Variants in SI observed in about 807,000 individuals in gnomAD.
SI encodes sucrase-isomaltase, intestinal.
SI carries 235 observed loss-of-function variants against 253.3 expected under a neutral mutation model. The observed-to-expected ratio is 0.93, with a 90% CI of 0.83 to 1.03. SI has a LOEUF of 1.03. SI is among the 50% of genes least tolerant of loss of function. SI has a pLI of 0.00. For missense variants in SI, 2,442 were observed against 2,211.1 expected (o/e 1.10, Z -2.09); for synonymous variants, 819 against 712.0 (o/e 1.15, Z -2.39).
rs745851847 is a variant in SI, at chr3:165,055,175, G to C, written c.1512+19C>G. 1.3e-5 allele frequency: 19 copies of C among 1,438,346 alleles called. No individual in the cohort carries two copies. Among genetic ancestry groups the C allele is most frequent in the Non-Finnish European group, 1.9e-5 (19 of 1,021,084 alleles). The allele number at this position is 1,438,346 out of a possible 1,614,324, so 89.1% of individuals were successfully genotyped here. On this transcript the variant is annotated intron_variant, in intron 13 of 47. Coordinates refer to ENST00000264382, the MANE Select transcript of SI (RefSeq NM_001041.4). ...CTATGGTCATTGACCAAAACCATTG[G>C]TTTAAAATAGCTACTTACAATCCAA...
chr3:165,084,145 C>T, the SI span, among the ~76,000 whole-genome samples: 1 of 151,920 alleles, frequency 6.6e-6, no homozygotes, highest in African/African-American at 2.4e-5. Context: ...AAAAAAGGCC[C>T]CAAAAAGAAC....
chr3:165,087,536 A>G, the SI span, among the ~76,000 whole-genome samples: 2 of 152,166 alleles, frequency 1.3e-5, no homozygotes, highest in East Asian at 3.9e-4. Context: ...TTCTATAGAT[A>G]TTTGAAGCTT....
chr3:165,072,106 T>G (rs890384633), intron 3 of SI, among the ~76,000 whole-genome samples: 6 of 152,120 alleles, frequency 3.9e-5, no homozygotes, highest in African/African-American at 7.2e-5. Context: ...ATTTTCCAAT[T>G]TTAACAATCA....
chr3:165,004,853 T>C (rs1175417149), intron 37 of SI, among the ~76,000 whole-genome samples: 15 of 152,132 alleles, frequency 9.9e-5, no homozygotes, highest in Admixed American at 9.8e-4. Flanking sequence ...TTGGGCTTTG[T>C]GATCCCACCC....
chr3:165,082,090 T>C (rs895496860), upstream of SI, among the ~76,000 whole-genome samples: 4 of 151,934 alleles, frequency 2.6e-5, no homozygotes, highest in Admixed American at 1.3e-4. Flanking sequence ...TCTTAGAAGC[T>C]TCATACCCAA....
At chr3:165,070,222 T>A (rs948588011) in intron 3 of SI, among the ~76,000 whole-genome samples, 1 of 144,650 alleles carries the variant, frequency 6.9e-6, no homozygotes, top group Admixed American at 7.0e-5. Flanking sequence ...AATATGTTTA[T>A]ATAGAATAAA....
chr3:165,031,861 GA>G (rs1462975533), intron 24 of SI, among the ~76,000 whole-genome samples: 1 of 151,032 alleles, frequency 6.6e-6, no homozygotes, highest in African/African-American at 2.4e-5. Flanking sequence ...TTGCAAATGA[GA>G]AAGCTAAAAT....
intron 21 of SI, 98 bp from the exon 22 acceptor site, chr3:165,036,575 C>T: frequency 1.3e-6 from 1 of 763,398 alleles, no homozygotes. Flanking sequence ...GTTTTATGGG[C>T]CCTGAATTCA....
At chr3:164,998,726 A>G (rs1440689987) in intron 37 of SI, 53 bp from the exon 38 acceptor site, 2 of 1,450,270 alleles carry the variant, frequency 1.4e-6, no homozygotes, top group African/African-American at 2.8e-5. Context: ...TTTTCTCCAA[A>G]TATATCTACT....
chr3:165,039,785 C>T, intron 19 of SI, 102 bp downstream of exon 19: 3 of 841,460 alleles, frequency 3.6e-6, no homozygotes, highest in Non-Finnish European at 6.2e-6. Context: ...CAGCTTGAAA[C>T]AGTCCACTGA....
At chr3:165,017,479 A>G in intron 31 of SI, 69 bp downstream of exon 31, 2 of 1,457,278 alleles carry the variant, frequency 1.4e-6, no homozygotes, top group Non-Finnish European at 1.9e-6. Context: ...TAAAGTATAC[A>G]TGTTTAATTA....
chr3:165,030,500 C>G (rs1400776561), intron 25 of SI, among the ~76,000 whole-genome samples: 1 of 150,906 alleles, frequency 6.6e-6, no homozygotes. Context: ...ATTTACACAT[C>G]AATTCAGCCT....
intron 17 of SI, among the ~76,000 whole-genome samples, chr3:165,041,613 C>T (rs941059671): frequency 1.3e-5 from 2 of 152,040 alleles, no homozygotes; most frequent in African/African-American, 4.8e-5. Context: ...AGATAGGTTG[C>T]TGGCTCAGGA....
chr3:165,003,753 T>C (rs540085860), intron 37 of SI, among the ~76,000 whole-genome samples: 1 of 152,112 alleles, frequency 6.6e-6, no homozygotes, highest in East Asian at 1.9e-4. Context: ...ACCAATTAAA[T>C]AATAATTTAT....
Position 165,074,492 on chromosome 3 carries a change from A to G in SI, c.255+39T>C, listed in dbSNP as rs202115967. 657 of 1,333,190 alleles carry G rather than the reference A, an allele frequency of 4.9e-4. 1 individual carries two copies. The highest frequency in any genetic ancestry group is 6.5e-4 in the Non-Finnish European group (623 of 958,426). The allele number at this position is 1,333,190 out of a possible 1,614,324, so 82.6% of individuals were successfully genotyped here. On this transcript the variant is annotated intron_variant, in intron 3 of 47. Coordinates refer to ENST00000264382, the MANE Select transcript of SI (RefSeq NM_001041.4). ...AGCAATTATCTTAATATAATAATGTATATATTCATTAAAAATATTAAAGAC... is the reference window on the plus strand; with the variant it reads ...AGCAATTATCTTAATATAATAATGTGTATATTCATTAAAAATATTAAAGAC...
In SI at chr3:165,074,702, G is replaced by A. The variant is rs934281643; in HGVS notation, c.119-35C>T. 2.6e-6 allele frequency: 4 copies of A among 1,538,572 alleles called. No individual in the cohort carries two copies. The African/African-American group carries it at 5.5e-5, about 21-fold the overall frequency. Reference sequence around the variant, plus strand: ...GAAAAAACTCAATAAAATAAAACATGACATTAAATTAATTTTCTCAGAATT... The same window carrying A: ...GAAAAAACTCAATAAAATAAAACATAACATTAAATTAATTTTCTCAGAATT... On this transcript the variant is annotated intron_variant, in intron 2 of 47. Transcript: ENST00000264382.
chr3:165,068,828 A>G lies in SI; in HGVS notation c.377T>C (p.Val126Ala), dbSNP rs1272011582. The change falls in exon 5 of 48, where the codon GTT becomes GCT. Residue 126 changes from valine to alanine, a missense_variant. Transcript: ENST00000264382. ...VQDMTTTSIG[V>A]EAKLNRIPSP... ...AGGTATCCTGTTTAATTTGGCTTCA[A>G]CTCCTTAAAGAATAAAAAAAAGCTG... 6.4e-7 allele frequency: 1 copy of G among 1,562,930 alleles called. No homozygotes were observed.
At chr3:165,071,470 A>G (rs892459785) in intron 3 of SI, among the ~76,000 whole-genome samples, 1 of 151,210 alleles carries the variant, frequency 6.6e-6, no homozygotes, top group African/African-American at 2.4e-5. Context: ...TATCATATAT[A>G]TGTATATACA....
intron 3 of SI, among the ~76,000 whole-genome samples, chr3:165,071,135 C>A (rs1576923577): frequency 6.6e-6 from 1 of 152,062 alleles, no homozygotes. Context: ...AAACTATATT[C>A]CCAGATAAGC....
Sources: allele counts gnomAD v4.1 joint callset (sites outside exome capture counted in the v4.1 genomes callset), GRCh38; gene constraint gnomAD v4.1.1; transcripts MANE v1.5; gene names NCBI Gene and HGNC (gene_info 2026-07-23, HGNC 2026-07-21).